Variants in DLG2 observed in about 807,000 individuals in gnomAD.
DLG2 encodes the protein disks large homolog 2.
Under a neutral mutation model 132.5 loss-of-function variants are expected in DLG2, and 45 were observed. That is an observed-to-expected ratio of 0.34 (90% CI 0.27 to 0.44). DLG2 has a LOEUF of 0.44. Among genes scored for constraint, DLG2 ranks in the 20% least tolerant of loss-of-function variants. The pLI, the probability that DLG2 is intolerant of heterozygous loss-of-function variation, is 1.00. For synonymous variants in DLG2, 424 were observed against 419.6 expected, an observed-to-expected ratio of 1.01 and a Z score of -0.13; for missense variants, 1,045 against 1,196.9, an observed-to-expected ratio of 0.87 and a Z score of 1.87.
chr11:84,906,670 C>A (rs77357549), intron 6 of DLG2, among the ~76,000 whole-genome samples: 16,468 of 151,838 alleles, frequency 0.11, 1,087 homozygotes, highest in African/African-American at 0.15. Context: ...GGAGGCATGT[C>A]GTAATCAAAT....
At chr11:83,461,683 A>G (rs2090055407) in intron 27 of DLG2, 2 of 237,362 alleles carry the variant, frequency 8.4e-6, no homozygotes, top group Middle Eastern at 1.5e-3. Flanking sequence ...TGATGATATC[A>G]GGGAGATAGT....
At chr11:84,974,503 G>T (rs1326555805) in intron 6 of DLG2, among the ~76,000 whole-genome samples, 1 of 152,188 alleles carries the variant, frequency 6.6e-6, no homozygotes, top group Non-Finnish European at 1.5e-5. Context: ...ATCTGGAATG[G>T]TTAGCATACT....
chr11:85,611,544 C>T (rs913954484), intron 2 of DLG2, among the ~76,000 whole-genome samples: 5 of 152,204 alleles, frequency 3.3e-5, no homozygotes, highest in African/African-American at 7.2e-5. Flanking sequence ...TGGGATACTA[C>T]GGGCAGGTTA....
At position 83,798,556 on chromosome 11, in the gene DLG2, T is replaced by C. The variant is rs150793789; in HGVS notation, c.1723-11764A>G. On this transcript the variant is annotated intron_variant, in intron 17 of 27. Transcript: ENST00000376104. Reference sequence around the variant, plus strand: ...ACAGAATTATTAACTGTGAAAAAAATACAAAGGAGTAACCAAATGGGAAAA... The same window carrying C: ...ACAGAATTATTAACTGTGAAAAAAACACAAAGGAGTAACCAAATGGGAAAA... Among the ~76,000 whole-genome samples, 273 of 152,072 alleles carry C rather than the reference T, an allele frequency of 1.8e-3. 2 individuals are homozygous for C. The highest frequency in any genetic ancestry group is 3.0e-3 in the Non-Finnish European group (201 of 67,976).
At chr11:84,578,260 C>T (rs1304511586) in intron 6 of DLG2, among the ~76,000 whole-genome samples, 1 of 152,116 alleles carries the variant, frequency 6.6e-6, no homozygotes, top group East Asian at 1.9e-4. Context: ...TGGGGCACTG[C>T]CTAGTGGAGC....
intron 6 of DLG2, among the ~76,000 whole-genome samples, chr11:84,862,849 T>C (rs937830715): frequency 3.1e-5 from 4 of 128,730 alleles, no homozygotes; most frequent in Non-Finnish European, 4.9e-5. Context: ...AGGGGAGGAA[T>C]AGCATTAGGA....
At chr11:85,161,060 C>T (rs1054195510) in intron 4 of DLG2, among the ~76,000 whole-genome samples, 1 of 152,174 alleles carries the variant, frequency 6.6e-6, no homozygotes, top group Non-Finnish European at 1.5e-5. Flanking sequence ...AGAAGCATGA[C>T]TGGAAAATTG....
intron 3 of DLG2, among the ~76,000 whole-genome samples, chr11:85,298,174 G>T (rs1342100359): frequency 6.6e-6 from 1 of 152,022 alleles, no homozygotes; most frequent in Non-Finnish European, 1.5e-5. Context: ...AGGATAATTT[G>T]AATCTATCAG....
At chr11:83,663,720 A>G (rs1376119369) in intron 18 of DLG2, among the ~76,000 whole-genome samples, 2 of 152,162 alleles carry the variant, frequency 1.3e-5, no homozygotes, top group African/African-American at 4.8e-5. Flanking sequence ...ATTATCCTTA[A>G]TGCCTGGTTC....
chr11:85,083,906 T>C (rs942105634), intron 6 of DLG2, among the ~76,000 whole-genome samples: 1 of 152,152 alleles, frequency 6.6e-6, no homozygotes, highest in African/African-American at 2.4e-5. Flanking sequence ...ATTCTCAACA[T>C]GGCCTAAACT....
intron 17 of DLG2, among the ~76,000 whole-genome samples, chr11:83,829,658 C>T (rs1015932717): frequency 3.9e-5 from 6 of 152,114 alleles, no homozygotes; most frequent in Admixed American, 6.6e-5. Flanking sequence ...AATGTTTGAG[C>T]TTCTCAAGAC....
chr11:85,143,193 A>T (rs2076608916), intron 5 of DLG2, among the ~76,000 whole-genome samples: 2 of 151,600 alleles, frequency 1.3e-5, no homozygotes, highest in Non-Finnish European at 3.0e-5. Flanking sequence ...TTTTTCTGTG[A>T]TGGGAGACTT....
chr11:85,433,532 A>G (rs747954510), intron 3 of DLG2, among the ~76,000 whole-genome samples: 8 of 152,210 alleles, frequency 5.3e-5, no homozygotes, highest in Non-Finnish European at 1.0e-4. Context: ...TCTCTGACAA[A>G]ACAGGCTTTA....
chr11:85,612,879 C>A (rs766118160), intron 2 of DLG2, among the ~76,000 whole-genome samples: 2 of 152,164 alleles, frequency 1.3e-5, no homozygotes, highest in Non-Finnish European at 2.9e-5. Context: ...ATAACAAAAT[C>A]TATCCAGTAA....
At chr11:84,402,153 T>C (rs1826639766) in intron 7 of DLG2, among the ~76,000 whole-genome samples, 1 of 152,148 alleles carries the variant, frequency 6.6e-6, no homozygotes, top group Non-Finnish European at 1.5e-5. Flanking sequence ...TCAAGAGAAA[T>C]TTTGAAACTG....
intron 19 of DLG2, among the ~76,000 whole-genome samples, chr11:83,543,162 G>A (rs767255251): frequency 1.3e-4 from 20 of 152,078 alleles, no homozygotes; most frequent in Non-Finnish European, 2.8e-4. Context: ...CCCAGAGATG[G>A]AATTTGGAGA....
intron 6 of DLG2, among the ~76,000 whole-genome samples, chr11:84,748,897 T>A (rs2065738558): frequency 6.6e-6 from 1 of 152,172 alleles, no homozygotes; most frequent in Non-Finnish European, 1.5e-5. Flanking sequence ...AGGCTGGGTG[T>A]TATGGCTCAC....
chr11:85,009,353 T>A (rs888884910), intron 6 of DLG2, among the ~76,000 whole-genome samples: 10 of 152,096 alleles, frequency 6.6e-5, no homozygotes, highest in African/African-American at 2.4e-4. Context: ...ATAAAATAAA[T>A]GGAATCATTT....
chr11:83,630,836 A>G (rs1206305165), intron 19 of DLG2, among the ~76,000 whole-genome samples: 2 of 152,154 alleles, frequency 1.3e-5, no homozygotes, highest in African/African-American at 4.8e-5. Flanking sequence ...GGGCCCAATG[A>G]TAGCTAAGGT....
Sources: allele counts gnomAD v4.1 joint callset (sites outside exome capture counted in the v4.1 genomes callset), GRCh38; gene constraint gnomAD v4.1.1; transcripts MANE v1.5; gene names NCBI Gene and HGNC (gene_info 2026-07-23, HGNC 2026-07-21).